Variants in VEGFC observed in about 807,000 individuals in gnomAD.
The protein encoded by VEGFC is FLT4 ligand DHM.
Under a neutral mutation model 46.1 loss-of-function variants are expected in VEGFC, and 12 were observed. That is an observed-to-expected ratio of 0.26 (90% CI 0.17 to 0.42). VEGFC has a LOEUF of 0.42. Ranked by LOEUF, VEGFC falls within the 10% of genes least tolerant of loss-of-function variation. The pLI, the probability that VEGFC is intolerant of heterozygous loss-of-function variation, is 1.00. For missense variants in VEGFC, 488 were observed against 529.4 expected (o/e 0.92, Z 0.77); for synonymous variants, 232 against 195.5 (o/e 1.19, Z -1.56).
intron 1 of VEGFC, among the ~76,000 whole-genome samples, chr4:176,738,745 T>C (rs1735097391): frequency 6.6e-6 from 1 of 151,912 alleles, no homozygotes; most frequent in South Asian, 2.1e-4. Flanking sequence ...CAAAAGAAAC[T>C]ATCATCGGAG....
chr4:176,740,589 CTA>C (rs1387568983), intron 1 of VEGFC, among the ~76,000 whole-genome samples: 1 of 146,738 alleles, frequency 6.8e-6, no homozygotes, highest in African/African-American at 2.5e-5. Context: ...ATACATATAA[CTA>C]TATATATATT....
At chr4:176,715,181 A>C (rs115451664) in intron 3 of VEGFC, among the ~76,000 whole-genome samples, 5,852 of 152,258 alleles carry the variant, frequency 0.038, 180 homozygotes, top group Non-Finnish European at 0.059. Flanking sequence ...CTAATGTCTC[A>C]TTTCTCTTTT....
At chr4:176,732,119 G>A (rs1035457663) in intron 1 of VEGFC, among the ~76,000 whole-genome samples, 15 of 151,742 alleles carry the variant, frequency 9.9e-5, no homozygotes, top group Non-Finnish European at 1.3e-4. Flanking sequence ...AATAAAGTAC[G>A]AAATTATTTG....
intron 1 of VEGFC, among the ~76,000 whole-genome samples, chr4:176,761,079 T>C (rs1295178473): frequency 6.6e-6 from 1 of 152,238 alleles, no homozygotes; most frequent in Non-Finnish European, 1.5e-5. Flanking sequence ...GTGATTGATT[T>C]AATAAAAGCA....
intron 3 of VEGFC, among the ~76,000 whole-genome samples, chr4:176,727,091 C>T (rs190624032): frequency 1.1e-3 from 173 of 152,308 alleles, no homozygotes; most frequent in African/African-American, 4.0e-3. Flanking sequence ...AGCACATACG[C>T]GTGTTCCACA....
chr4:176,752,358 C>T (rs1735356573), intron 1 of VEGFC, among the ~76,000 whole-genome samples: 1 of 152,024 alleles, frequency 6.6e-6, no homozygotes, highest in Admixed American at 6.6e-5. Context: ...TTTTACATAG[C>T]TCATATTGGC....
At chr4:176,737,919 T>C (rs1173220611) in intron 1 of VEGFC, among the ~76,000 whole-genome samples, 1 of 151,802 alleles carries the variant, frequency 6.6e-6, no homozygotes, top group Non-Finnish European at 1.5e-5. Flanking sequence ...GGTTTAATGG[T>C]TGTGATGGTG....
At position 176,727,794 on chromosome 4, in the gene VEGFC, C is replaced by T. The variant is rs776402205; in HGVS notation, c.536G>A (p.Ser179Asn). The T allele has an allele frequency of 3.7e-5, 59 of 1,613,124 alleles. 1 individual carries two copies. In the South Asian group the frequency reaches 6.4e-4, roughly 17 times the overall value. The change falls in exon 3 of 7, where the codon AGC (serine) becomes AAC (asparagine). Residue 179 changes from serine to asparagine, a missense_variant. Physicochemically the swap from Ser to Asn is conservative, Grantham distance 46. Transcript: ENST00000618562. ...EGLQCMNTST[S>N]YLSKTLFEIT... Reference sequence around the variant, plus strand: ...AATACCCACCGTCTTGCTGAGGTAGCTCGTGCTGGTGTTCATGCACTGCAG... The same window carrying T: ...AATACCCACCGTCTTGCTGAGGTAGTTCGTGCTGGTGTTCATGCACTGCAG...
At chr4:176,740,230 A>ATCT (rs1735141746) in intron 1 of VEGFC, among the ~76,000 whole-genome samples, 1 of 119,718 alleles carries the variant, frequency 8.4e-6, no homozygotes, top group African/African-American at 3.3e-5. Context: ...TAGAATATAT[A>ATCT]ACTATATATA....
At chr4:176,783,581 T>G (rs537134821) in intron 1 of VEGFC, among the ~76,000 whole-genome samples, 1 of 152,302 alleles carries the variant, frequency 6.6e-6, no homozygotes, top group Non-Finnish European at 1.5e-5. Context: ...ACCAAAATCC[T>G]TTACAGCCAA....
At chr4:176,700,889 G>A (rs1008583126) in intron 4 of VEGFC, among the ~76,000 whole-genome samples, 14 of 152,112 alleles carry the variant, frequency 9.2e-5, no homozygotes, top group Admixed American at 2.6e-4. Flanking sequence ...TAAAAAACAC[G>A]TTATGAGGGT....
chr4:176,711,612 T>C lies in VEGFC; in HGVS notation c.591A>G (p.Lys197=). The C allele has an allele frequency of 6.2e-7, 1 of 1,613,606 alleles. No homozygotes were observed. Among genetic ancestry groups the C allele is most frequent in the Non-Finnish European group, 8.5e-7 (1 of 1,179,696 alleles). ...EITVPLSQGP[K]PVTISFANHT... ...GATTGGCAAAACTGATTGTTACTGGTTTGGGGCCTTGAGAGAGAGGCACTG... is the reference window on the plus strand; with the variant it reads ...GATTGGCAAAACTGATTGTTACTGGCTTGGGGCCTTGAGAGAGAGGCACTG... The change falls in exon 4 of 7, where the codon AAA becomes AAG. Residue 197 remains lysine, a synonymous_variant. Transcript: ENST00000618562.
At chr4:176,732,402 C>G (rs527700681) in intron 1 of VEGFC, among the ~76,000 whole-genome samples, 1 of 151,756 alleles carries the variant, frequency 6.6e-6, no homozygotes, top group African/African-American at 2.4e-5. Context: ...CAATTAGCAC[C>G]TAATTTGTTA....
chr4:176,687,959 G>T, intron 4 of VEGFC, 32 bp from the exon 5 acceptor site: 2 of 1,342,894 alleles, frequency 1.5e-6, no homozygotes, highest in South Asian at 1.2e-5. Flanking sequence ...TTTAGCAATG[G>T]TGTAACTGGT....
rs1579110077 is a variant in VEGFC, at chr4:176,729,576, A to G, written c.318T>C (p.Thr106=). 6.2e-7 allele frequency: 1 copy of G among 1,613,662 alleles called. No individual in the cohort carries two copies. Among genetic ancestry groups the G allele is most frequent in the Admixed American group, 1.7e-5 (1 of 59,978 alleles). The change falls in exon 2 of 7, where the codon ACT becomes ACC. Residue 106 remains threonine, a synonymous_variant. Coordinates refer to ENST00000618562, the MANE Select transcript of VEGFC (RefSeq NM_005429.5). ...QANLNSRTEE[T]IKFAAAHYNT... ...TATAATGTGCTGCAGCAAATTTTAT[A>G]GTCTCTTCTGTCCTTGAGTTGAGGT...
At chr4:176,757,836 T>C (rs975563375) in intron 1 of VEGFC, among the ~76,000 whole-genome samples, 3 of 152,060 alleles carry the variant, frequency 2.0e-5, no homozygotes, top group Non-Finnish European at 2.9e-5. Context: ...AATTAAAGAT[T>C]TGGTGTCCTA....
intron 1 of VEGFC, among the ~76,000 whole-genome samples, chr4:176,763,125 C>G (rs764471185): frequency 7.2e-5 from 11 of 152,154 alleles, no homozygotes; most frequent in Non-Finnish European, 1.5e-4. Context: ...AGACTTAAGC[C>G]AAAAATACCT....
chr4:176,766,003 T>C (rs945294785), intron 1 of VEGFC, among the ~76,000 whole-genome samples: 1 of 151,680 alleles, frequency 6.6e-6, no homozygotes, highest in African/African-American at 2.4e-5. Flanking sequence ...TAGAATACTA[T>C]ACACAGAAAA....
intron 6 of VEGFC, 74 bp downstream of exon 6, chr4:176,687,113 G>A: frequency 6.8e-7 from 1 of 1,470,040 alleles, no homozygotes. Context: ...TGTTACTTTG[G>A]TTAAGAAAAC....
Sources: allele counts gnomAD v4.1 joint callset (sites outside exome capture counted in the v4.1 genomes callset), GRCh38; gene constraint gnomAD v4.1.1; transcripts MANE v1.5; gene names NCBI Gene and HGNC (gene_info 2026-07-23, HGNC 2026-07-21).